SLC13A3: variants seen among roughly 807,000 people sequenced by gnomAD.
SLC13A3 encodes solute carrier family 13 member 3.
In SLC13A3, 40 loss-of-function variants were observed where a neutral mutation model predicts 59.0. The ratio of observed to expected loss-of-function variants is 0.68; its 90% CI spans 0.53 to 0.88. The LOEUF is 0.88. Among genes scored for constraint, SLC13A3 ranks in the 40% least tolerant of loss-of-function variants. The probability of loss-of-function intolerance (pLI) is 0.00; values close to 1 mark genes in which losing one functional copy is unlikely to be tolerated. For synonymous variants in SLC13A3, 317 were observed against 330.3 expected (o/e 0.96, Z 0.44); for missense variants, 699 against 783.2 (o/e 0.89, Z 1.28).
At chr20:46,574,473 G>T (rs1281367334) in intron 10 of SLC13A3, among the ~76,000 whole-genome samples, 3 of 152,198 alleles carry the variant, frequency 2.0e-5, no homozygotes, top group African/African-American at 4.8e-5. Context: ...ACCCGCACTT[G>T]CACGCCCCGG....
chr20:46,582,425 G>T (rs1342155783), intron 9 of SLC13A3, among the ~76,000 whole-genome samples: 1 of 145,324 alleles, frequency 6.9e-6, no homozygotes, highest in Non-Finnish European at 1.5e-5. Flanking sequence ...ACCATGCCCA[G>T]CCTGCTACAA....
At chr20:46,618,708 T>C (rs376004583) in intron 1 of SLC13A3, among the ~76,000 whole-genome samples, 1 of 152,228 alleles carries the variant, frequency 6.6e-6, no homozygotes, top group African/African-American at 2.4e-5. Context: ...CCCCCAGAAC[T>C]GTAAGCAATA....
intron 12 of SLC13A3, among the ~76,000 whole-genome samples, chr20:46,563,099 G>C (rs1339819805): frequency 6.6e-6 from 1 of 152,142 alleles, no homozygotes; most frequent in Admixed American, 6.5e-5. Flanking sequence ...CCACCCCTGA[G>C]TCCTAGGGTG....
At chr20:46,567,424 G>A (rs938194423) in intron 10 of SLC13A3, among the ~76,000 whole-genome samples, 5 of 152,060 alleles carry the variant, frequency 3.3e-5, no homozygotes, top group African/African-American at 1.2e-4. Context: ...ACTTCAGCCT[G>A]AAAAAGTTTT....
chr20:46,583,784 T>C (rs1395000151), intron 8 of SLC13A3, 115 bp from the exon 9 acceptor site: 4 of 1,503,218 alleles, frequency 2.7e-6, no homozygotes, highest in Non-Finnish European at 2.7e-6. Flanking sequence ...GAAGGGGCCA[T>C]TGTTGGAGGC....
chr20:46,682,167 C>CA (rs2063156725), intron 1 of SLC13A3: 1 of 152,054 alleles, frequency 6.6e-6, no homozygotes, highest in Non-Finnish European at 1.5e-5. Context: ...CTCAATAATC[C>CA]AAAAAATATC....
At chr20:46,650,569 T>C (rs2062942567) in intron 1 of SLC13A3, among the ~76,000 whole-genome samples, 1 of 152,194 alleles carries the variant, frequency 6.6e-6, no homozygotes, top group African/African-American at 2.4e-5. Flanking sequence ...ATAAGAGATT[T>C]ACATATATTG....
chr20:46,568,722 C>G lies in SLC13A3; in HGVS notation c.1333-2332G>C, dbSNP rs1436742657. Among the ~76,000 whole-genome samples, 2 of 152,250 alleles carry G rather than the reference C, an allele frequency of 1.3e-5. 1 individual carries two copies. Among genetic ancestry groups the G allele is most frequent in the Non-Finnish European group, 2.9e-5 (2 of 68,016 alleles). The stretch of plus-strand genomic sequence containing the variant: ...GCCACAGCTCTGGCAAAGAGTCTGA[C>G]CTGACAGCTCTGTGCGCAATTAAAG... On this transcript the variant is annotated intron_variant, in intron 10 of 12. Transcript: ENST00000279027.
At chr20:46,585,056 T>C in intron 8 of SLC13A3, 1 of 779,218 alleles carries the variant, frequency 1.3e-6, no homozygotes, top group Non-Finnish European at 1.6e-6. Flanking sequence ...AAGGAATTGG[T>C]TAAATAAATC....
At chr20:46,621,106 T>C (rs1028154774) in intron 1 of SLC13A3, among the ~76,000 whole-genome samples, 1 of 152,224 alleles carries the variant, frequency 6.6e-6, no homozygotes, top group African/African-American at 2.4e-5. Flanking sequence ...ATTGACTTTC[T>C]GGAGGGCCAA....
At chr20:46,643,094 C>T (rs79054290) in intron 1 of SLC13A3, among the ~76,000 whole-genome samples, 5,869 of 152,046 alleles carry the variant, frequency 0.039, 271 homozygotes, top group Admixed American at 0.12. Flanking sequence ...CTTATGAGCA[C>T]CTACTATGTG....
At chr20:46,632,622 G>C (rs1252112997) in intron 1 of SLC13A3, among the ~76,000 whole-genome samples, 1 of 152,184 alleles carries the variant, frequency 6.6e-6, no homozygotes, top group Non-Finnish European at 1.5e-5. Flanking sequence ...AATCCTGGAA[G>C]TCTATAGCTT....
At chr20:46,613,994 G>A (rs1483865601) in intron 1 of SLC13A3, 1 of 385,484 alleles carries the variant, frequency 2.6e-6, no homozygotes, top group Admixed American at 4.5e-5. Flanking sequence ...TCACCTCATA[G>A]GACTGTTTGA....
upstream of SLC13A3, chr20:46,673,853 T>G (rs545269637): frequency 2.0e-5 from 3 of 152,360 alleles, no homozygotes; most frequent in Admixed American, 2.0e-4. Context: ...CTGTTAGGAA[T>G]ATCAGTCAAA....
intron 1 of SLC13A3, among the ~76,000 whole-genome samples, chr20:46,645,304 G>A (rs1387975813): frequency 6.6e-6 from 1 of 152,190 alleles, no homozygotes; most frequent in Admixed American, 6.5e-5. Flanking sequence ...CACCTGGAAA[G>A]TCCCTTTTTT....
chr20:46,608,873 G>C, intron 3 of SLC13A3: 1 of 1,548,236 alleles, frequency 6.5e-7, no homozygotes, highest in Non-Finnish European at 8.7e-7. Flanking sequence ...TGTGGCTCCT[G>C]TCTTTGGGTC....
intron 1 of SLC13A3, among the ~76,000 whole-genome samples, chr20:46,645,521 T>C (rs1280080722): frequency 6.6e-6 from 1 of 152,172 alleles, no homozygotes; most frequent in Non-Finnish European, 1.5e-5. Flanking sequence ...AAGACACGCT[T>C]CCAGGCTATG....
At chr20:46,612,132 T>C (rs2062505104) in intron 2 of SLC13A3, among the ~76,000 whole-genome samples, 1 of 138,792 alleles carries the variant, frequency 7.2e-6, no homozygotes, top group Non-Finnish European at 1.6e-5. Flanking sequence ...TGCTTTTTTT[T>C]TTTTTTTTTT....
chr20:46,613,986 A>C, intron 1 of SLC13A3: 1 of 396,524 alleles, frequency 2.5e-6, no homozygotes, highest in Admixed American at 4.4e-5. Flanking sequence ...ATTTTGGTTC[A>C]CCTCATAGGA....
Sources: gnomAD v4.1 joint callset for allele counts (sites outside exome capture counted in the v4.1 genomes callset) on GRCh38, gnomAD v4.1.1 for gene constraint, MANE v1.5 for transcripts, NCBI Gene and HGNC (gene_info 2026-07-23, HGNC 2026-07-21) for gene names.